CBLB: variants seen among roughly 807,000 people sequenced by gnomAD.
The protein encoded by CBLB is Cbl proto-oncogene B, also known as E3 ubiquitin-protein ligase CBL-B.
In CBLB, 31 loss-of-function variants were observed where a neutral mutation model predicts 104.9. The observed-to-expected ratio is 0.30, with a 90% CI of 0.22 to 0.40. The LOEUF (loss-of-function observed/expected upper bound fraction) is 0.40. Among genes scored for constraint, CBLB ranks in the 10% least tolerant of loss-of-function variants. The pLI is 1.00. For synonymous variants in CBLB, 440 were observed against 422.6 expected (o/e 1.04, Z -0.51); for missense variants, 1,062 against 1,214.6 (o/e 0.87, Z 1.87).
rs575334753 is a variant in CBLB at position 105,793,758 on chromosome 3, C to A, written c.420-17216G>T. Among the ~76,000 whole-genome samples, 7 of 152,282 alleles carry A rather than the reference C, an allele frequency of 4.6e-5. No individual in the cohort carries two copies. In the East Asian group the frequency reaches 1.3e-3, roughly 29 times the overall value. The stretch of plus-strand genomic sequence containing the variant: ...CATCAGGAGCAACTCTCAGGAAAAT[C>A]CGAGGTGTAGCTGTTCCACTTTGCA... On this transcript the variant is annotated intron_variant, in intron 3 of 18. Coordinates refer to ENST00000394030, the MANE Select transcript of CBLB (RefSeq NM_170662.5).
intron 18 of CBLB, among the ~76,000 whole-genome samples, chr3:105,668,386 C>A (rs35834008): frequency 0.26 from 39,077 of 151,852 alleles, 5,131 homozygotes; most frequent in Admixed American, 0.27. Context: ...GCTGTGAAAA[C>A]ACTGTGTTTT....
chr3:105,724,947 T>C (rs1172526757), intron 9 of CBLB, among the ~76,000 whole-genome samples: 1 of 152,156 alleles, frequency 6.6e-6, no homozygotes, highest in Non-Finnish European at 1.5e-5. Context: ...AGGGGATCTA[T>C]TTCAAGAGTC....
intron 4 of CBLB, among the ~76,000 whole-genome samples, chr3:105,763,891 A>G (rs541011150): frequency 1.2e-4 from 19 of 152,326 alleles, no homozygotes; most frequent in Admixed American, 1.2e-3. Flanking sequence ...CAGTGGCTAG[A>G]GTACCAGCAT....
At chr3:105,675,745 TG>T (rs1250581897) in intron 17 of CBLB, among the ~76,000 whole-genome samples, 4 of 151,618 alleles carry the variant, frequency 2.6e-5, no homozygotes, top group Non-Finnish European at 4.4e-5. Context: ...ATTAGCCGAG[TG>T]TAGTGGTGCA....
intron 18 of CBLB, among the ~76,000 whole-genome samples, chr3:105,661,018 G>T (rs2063744219): frequency 2.0e-5 from 3 of 148,978 alleles, no homozygotes. Flanking sequence ...GACCAGGCTG[G>T]TCTCGAACTC....
Position 105,713,391 on chromosome 3 carries a change from TA to T in CBLB, c.1407+6655del, listed in dbSNP as rs71627688. Among the ~76,000 whole-genome samples, 854 of 147,004 alleles carry T rather than the reference TA, an allele frequency of 5.8e-3. 11 individuals carry two copies. Among genetic ancestry groups the T allele is most frequent in the African/African-American group, 0.019 (769 of 39,946 alleles). ...TAAGAACAGTGTCACCACTGATCATTAAAAAAAAAAAAATCCTTCTCAAGGG... is the reference window on the plus strand; with the variant it reads ...TAAGAACAGTGTCACCACTGATCATTAAAAAAAAAAAATCCTTCTCAAGGG... On this transcript the variant is annotated intron_variant, in intron 10 of 18. Transcript: ENST00000394030.
intron 3 of CBLB, among the ~76,000 whole-genome samples, chr3:105,809,843 A>G (rs1316080469): frequency 6.6e-6 from 1 of 152,238 alleles, no homozygotes; most frequent in East Asian, 1.9e-4. Flanking sequence ...TAAACTACAT[A>G]TGTGATTTTA....
intron 3 of CBLB, among the ~76,000 whole-genome samples, chr3:105,810,710 T>C (rs564712347): frequency 6.6e-6 from 1 of 152,216 alleles, no homozygotes; most frequent in African/African-American, 2.4e-5. Flanking sequence ...GTAGGAAATA[T>C]TACATATAAT....
At chr3:105,714,811 A>T (rs2071616524) in intron 10 of CBLB, among the ~76,000 whole-genome samples, 1 of 152,194 alleles carries the variant, frequency 6.6e-6, no homozygotes, top group Non-Finnish European at 1.5e-5. Context: ...GACATGTTAC[A>T]TTTCTAATTA....
At chr3:105,869,058 G>GGGGCT (rs1409295672), upstream of CBLB, 4 of 1,065,650 alleles carry the variant, frequency 3.8e-6, no homozygotes, top group Admixed American at 1.6e-4. Context: ...GGGGCGGGGC[G>GGGGCT]GGGCGGGGGC....
At position 105,697,100 on chromosome 3, in the gene CBLB, C is replaced by T. The variant is rs1024810591; in HGVS notation, c.1960-3512G>A. On this transcript the variant is annotated intron_variant, in intron 12 of 18. Coordinates refer to ENST00000394030, the MANE Select transcript of CBLB (RefSeq NM_170662.5). ...CCTCTTAATCACATGCCTGTCTCAT[C>T]CTGACTAGCTTTTCTGTGCTTTATT... 6.6e-5 allele frequency among the ~76,000 whole-genome samples: 10 copies of T among 151,972 alleles called. No individual in the cohort carries two copies. The East Asian group carries it at 7.7e-4, about 12-fold the overall frequency.
At chr3:105,798,675 T>C (rs1018648883) in intron 3 of CBLB, among the ~76,000 whole-genome samples, 12 of 152,302 alleles carry the variant, frequency 7.9e-5, no homozygotes, top group African/African-American at 2.9e-4. Flanking sequence ...AGATGTTAAA[T>C]ATTGAGACTG....
intron 10 of CBLB, among the ~76,000 whole-genome samples, chr3:105,705,743 T>G (rs1464310272): frequency 6.6e-6 from 1 of 152,218 alleles, no homozygotes; most frequent in East Asian, 1.9e-4. Flanking sequence ...GTTTCTTTTT[T>G]TCTCCTCCTT....
chr3:105,770,998 A>C (rs2078813185), intron 4 of CBLB, among the ~76,000 whole-genome samples: 1 of 152,224 alleles, frequency 6.6e-6, no homozygotes, highest in Admixed American at 6.5e-5. Flanking sequence ...AATCCTACTG[A>C]AACTGTTCTA....
chr3:105,668,171 G>C (rs9288813), intron 18 of CBLB, among the ~76,000 whole-genome samples: 151,780 of 152,312 alleles, frequency 1, 75,627 homozygotes, highest in East Asian at 1. Flanking sequence ...ATAGTCAGGA[G>C]TCTTTTATTA....
At chr3:105,662,878 T>C (rs1202157996) in intron 18 of CBLB, among the ~76,000 whole-genome samples, 1 of 152,216 alleles carries the variant, frequency 6.6e-6, no homozygotes, top group African/African-American at 2.4e-5. Context: ...CCGCCACTGC[T>C]ACTACTTGAG....
At chr3:105,818,847 T>C (rs1166829472) in intron 3 of CBLB, among the ~76,000 whole-genome samples, 4 of 152,074 alleles carry the variant, frequency 2.6e-5, no homozygotes, top group Non-Finnish European at 5.9e-5. Flanking sequence ...TAGTAATTTA[T>C]GAATATAGGA....
At position 105,708,717 on chromosome 3, in the gene CBLB, A is replaced by C. The variant is rs186452578; in HGVS notation, c.1408-4544T>G. Among the ~76,000 whole-genome samples, 5 of 152,132 alleles carry C rather than the reference A, an allele frequency of 3.3e-5. No homozygotes were observed. In the East Asian group the frequency reaches 9.6e-4, roughly 29 times the overall value. ...ACCACCTATTGGTGGTGTTATCTGT[A>C]GATTAAAGAATAAAATTAATGCATT... On this transcript the variant is annotated intron_variant, in intron 10 of 18. Coordinates refer to ENST00000394030, the MANE Select transcript of CBLB (RefSeq NM_170662.5).
At position 105,681,719 on chromosome 3, in the gene CBLB, C is replaced by T. The variant is rs1334426727; in HGVS notation, c.2296+5G>A. ...ATCACAAAGGAAATTATATTCTATA[C>T]GTACCCTTTAAATATATGCTTAAGT... is the stretch of plus-strand genomic sequence containing the variant. On this transcript the variant is annotated splice_donor_5th_base_variant and intron_variant, in intron 15 of 18. Transcript: ENST00000394030. 8 of 1,595,824 alleles carry T rather than the reference C, an allele frequency of 5.0e-6. No individual in the cohort carries two copies. The highest frequency in any genetic ancestry group is 1.3e-5 in the African/African-American group (1 of 74,664).
Sources: gnomAD v4.1 joint callset for allele counts (sites outside exome capture counted in the v4.1 genomes callset) on GRCh38, gnomAD v4.1.1 for gene constraint, MANE v1.5 for transcripts, NCBI Gene and HGNC (gene_info 2026-07-23, HGNC 2026-07-21) for gene names.